TBC1D14: variants seen among roughly 807,000 people sequenced by gnomAD.
The protein encoded by TBC1D14 is TBC1 domain family, member 14.
TBC1D14 carries 26 observed loss-of-function variants against 79.0 expected under a neutral mutation model. The ratio of observed to expected loss-of-function variants is 0.33; its 90% CI spans 0.24 to 0.46. The LOEUF (loss-of-function observed/expected upper bound fraction) is 0.46. TBC1D14 is among the 20% of genes least tolerant of loss of function. The pLI is 1.00. For synonymous variants in TBC1D14, 394 were observed against 349.9 expected (o/e 1.13, Z -1.40); for missense variants, 769 against 887.6 (o/e 0.87, Z 1.70).
chr4:7,006,863 T>G, intron 9 of TBC1D14, 137 bp downstream of exon 9: 2 of 627,646 alleles, frequency 3.2e-6, no homozygotes, highest in East Asian at 2.8e-5. Flanking sequence ...ATGTTACTAT[T>G]AAATACATTT....
intron 4 of TBC1D14, among the ~76,000 whole-genome samples, chr4:6,994,568 G>A (rs1302734479): frequency 1.3e-5 from 2 of 152,196 alleles, no homozygotes; most frequent in Non-Finnish European, 2.9e-5. Flanking sequence ...TAAGTTGTCA[G>A]CTGGGTGCAG....
chr4:6,927,715 C>T (rs968481343), intron 2 of TBC1D14, among the ~76,000 whole-genome samples: 2 of 152,132 alleles, frequency 1.3e-5, no homozygotes, highest in Non-Finnish European at 2.9e-5. Flanking sequence ...CTCCGACCCA[C>T]GGGATGCCAG....
chr4:7,017,445 C>G (rs1183500113), intron 12 of TBC1D14, among the ~76,000 whole-genome samples: 1 of 152,140 alleles, frequency 6.6e-6, no homozygotes, highest in Non-Finnish European at 1.5e-5. Flanking sequence ...AGAGTCCTTT[C>G]TAAGGGGGTT....
At chr4:6,945,090 G>A (rs1277853295) in intron 2 of TBC1D14, among the ~76,000 whole-genome samples, 1 of 152,194 alleles carries the variant, frequency 6.6e-6, no homozygotes, top group Non-Finnish European at 1.5e-5. Context: ...TGGAGCTGGT[G>A]TGAGAGTGGG....
intron 13 of TBC1D14, among the ~76,000 whole-genome samples, chr4:7,029,208 G>T (rs1722788950): frequency 6.6e-6 from 1 of 152,150 alleles, no homozygotes; most frequent in Admixed American, 6.5e-5. Context: ...AGATGCAGGG[G>T]GACTTTATCT....
chr4:6,939,104 A>G (rs1208775717), intron 2 of TBC1D14, among the ~76,000 whole-genome samples: 2 of 152,116 alleles, frequency 1.3e-5, no homozygotes, highest in Non-Finnish European at 2.9e-5. Flanking sequence ...TGGCTCTGCC[A>G]CCCACTCCCT....
At chr4:7,014,680 C>T (rs1029780746) in intron 12 of TBC1D14, 123 bp downstream of exon 12, 3 of 666,110 alleles carry the variant, frequency 4.5e-6, no homozygotes, top group Non-Finnish European at 8.0e-6. Flanking sequence ...CCAGCCTTCC[C>T]TGATGGCCCT....
intron 3 of TBC1D14, among the ~76,000 whole-genome samples, chr4:6,972,486 G>A (rs937516604): frequency 1.8e-4 from 28 of 152,052 alleles, no homozygotes; most frequent in African/African-American, 5.1e-4. Flanking sequence ...CCACCTTTTC[G>A]GTTTCCTTTG....
chr4:6,944,090 C>T (rs761861648), intron 2 of TBC1D14, among the ~76,000 whole-genome samples: 1 of 152,138 alleles, frequency 6.6e-6, no homozygotes, highest in Non-Finnish European at 1.5e-5. Flanking sequence ...TTTCTTAAAG[C>T]TTCTCTTTGT....
At chr4:6,939,557 C>T (rs1215608594) in intron 2 of TBC1D14, among the ~76,000 whole-genome samples, 1 of 152,126 alleles carries the variant, frequency 6.6e-6, no homozygotes, top group African/African-American at 2.4e-5. Context: ...CCCGAGGACC[C>T]GGTCCTGGGG....
chr4:7,017,745 G>T (rs529808074), intron 12 of TBC1D14, among the ~76,000 whole-genome samples: 16 of 152,302 alleles, frequency 1.1e-4, no homozygotes, highest in African/African-American at 3.8e-4. Context: ...GATACAGTCT[G>T]TTTTCGCAGT....
At chr4:7,011,893 C>T (rs534780640) in intron 11 of TBC1D14, among the ~76,000 whole-genome samples, 1 of 152,070 alleles carries the variant, frequency 6.6e-6, no homozygotes, top group South Asian at 2.1e-4. Flanking sequence ...ATTACCAGTA[C>T]TTCAAGACTA....
At chr4:6,953,859 G>T (rs1451373339) in intron 2 of TBC1D14, among the ~76,000 whole-genome samples, 1 of 150,300 alleles carries the variant, frequency 6.7e-6, no homozygotes, top group African/African-American at 2.5e-5. Flanking sequence ...CACTGCAGAC[G>T]CTCAGGAAGC....
intron 13 of TBC1D14, 115 bp from the exon 14 acceptor site, chr4:7,030,212 T>C: frequency 1.1e-6 from 1 of 918,748 alleles, no homozygotes; most frequent in East Asian, 2.5e-5. Flanking sequence ...TTGGAGGCAG[T>C]GGAAGTGGGG....
chr4:7,014,216 CTT>C (rs1721067415), intron 11 of TBC1D14, among the ~76,000 whole-genome samples: 1 of 152,176 alleles, frequency 6.6e-6, no homozygotes, highest in Non-Finnish European at 1.5e-5. Context: ...TTTCAGTTCC[CTT>C]TTCTATGAAT....
chr4:7,003,013 G>A (rs1577153666), intron 7 of TBC1D14, among the ~76,000 whole-genome samples: 1 of 152,276 alleles, frequency 6.6e-6, no homozygotes, highest in East Asian at 1.9e-4. Flanking sequence ...CCCATGTTCT[G>A]ACTTGGAGAG....
chr4:6,956,468 C>T (rs1177681269), intron 2 of TBC1D14, among the ~76,000 whole-genome samples: 4 of 152,220 alleles, frequency 2.6e-5, no homozygotes, highest in Non-Finnish European at 4.4e-5. Context: ...ACGCCATCCC[C>T]GCTGATGGCT....
rs771313561 is a variant in TBC1D14 at position 7,004,885 on chromosome 4, C to T, written c.1312C>T (p.Arg438Trp). 3.1e-6 allele frequency: 5 copies of T among 1,614,058 alleles called. No homozygotes were observed. Among genetic ancestry groups the T allele is most frequent in the South Asian group, 2.2e-5 (2 of 91,076 alleles). ...ICLARAKERW[R>W]SLSTGGSEVE... ...TCTTGCCCGAGCCAAGGAGAGGTGG[C>T]GGTCCCTTAGCACAGGAGGCTCTGA... The change falls in exon 8 of 14, where the codon CGG becomes TGG. Residue 438 changes from arginine to tryptophan, a missense_variant. Around this residue, in one of 2 missense-constraint regions of TBC1D14, gnomAD observed 367 missense variants for 494.4 expected, o/e 0.74. Coordinates refer to ENST00000409757, the MANE Select transcript of TBC1D14 (RefSeq NM_020773.3).
chr4:7,022,995 C>T (rs1721980918), intron 12 of TBC1D14, among the ~76,000 whole-genome samples: 3 of 152,136 alleles, frequency 2.0e-5, no homozygotes, highest in Admixed American at 6.5e-5. Flanking sequence ...GTGGCTCACG[C>T]CTGTAATCCC....
Sources: allele counts gnomAD v4.1 joint callset (sites outside exome capture counted in the v4.1 genomes callset), GRCh38; gene constraint gnomAD v4.1.1; regional missense constraint gnomAD v4.1.1; transcripts MANE v1.5; gene names NCBI Gene and HGNC (gene_info 2026-07-23, HGNC 2026-07-21).